The following UNC80 variants were observed in gnomAD, a reference collection of about 807,000 sequenced individuals.
The protein encoded by UNC80 is protein unc-80 homolog.
In UNC80, 164 loss-of-function variants were observed where a neutral mutation model predicts 384.6. The observed-to-expected ratio is 0.43, with a 90% CI of 0.38 to 0.49. The LOEUF is 0.49. Ranked by LOEUF, UNC80 falls within the 20% of genes least tolerant of loss-of-function variation. UNC80 has a pLI of 0.00. For synonymous variants in UNC80, 1,486 were observed against 1,527.8 expected (o/e 0.97, Z 0.64); for missense variants, 3,330 against 4,143.0 (o/e 0.80, Z 5.39).
At chr2:209,875,774 C>T (rs893286281) in intron 23 of UNC80, among the ~76,000 whole-genome samples, 4 of 152,200 alleles carry the variant, frequency 2.6e-5, no homozygotes, top group African/African-American at 9.6e-5. Context: ...TCCCCATTCT[C>T]CATCAGTCAA....
At chr2:209,892,353 CTTG>C (rs2086420613) in intron 26 of UNC80, among the ~76,000 whole-genome samples, 1 of 152,078 alleles carries the variant, frequency 6.6e-6, no homozygotes. Flanking sequence ...TGTACTAGTT[CTTG>C]TTGTCATGGA....
rs1269562268 is a variant in UNC80 at position 209,921,651 on chromosome 2, C to G, written c.5495C>G (p.Pro1832Arg). ...ATCACCCAGGAGGCTTGCTATGAGC[C>G]CACATGCACGCCCAACTCAGAACCG... Reference protein sequence around the residue: ...IPITQEACYEPTCTPNSEPEE... With the variant: ...IPITQEACYERTCTPNSEPEE... Residue 1832 changes from proline (P) to arginine (R), a missense_variant, in exon 34 of 65, where the codon CCC becomes CGC. Physicochemically the swap from Pro to Arg is moderately radical, Grantham distance 103. This residue lies in a region of UNC80 where 1,049 missense variants were observed against 1,488.6 expected (regional missense o/e 0.70). Coordinates refer to ENST00000673920, the MANE Select transcript of UNC80 (RefSeq NM_001371986.1). The G allele has an allele frequency of 1.3e-6, 2 of 1,551,510 alleles. No homozygotes were observed. The highest frequency in any genetic ancestry group is 2.4e-5 in the South Asian group (2 of 84,036).
At chr2:209,981,494 C>T (rs972781894) in intron 59 of UNC80, among the ~76,000 whole-genome samples, 2 of 152,228 alleles carry the variant, frequency 1.3e-5, no homozygotes, top group African/African-American at 4.8e-5. Flanking sequence ...ATGGGAACCA[C>T]TTGAACCTGG....
At chr2:209,877,455 A>G (rs187822218) in intron 23 of UNC80, among the ~76,000 whole-genome samples, 88 of 152,320 alleles carry the variant, frequency 5.8e-4, no homozygotes, top group African/African-American at 2.1e-3. Flanking sequence ...AAAGAAGCCA[A>G]TAAGTACATA....
chr2:209,812,307 G>T (rs758452454), intron 7 of UNC80, among the ~76,000 whole-genome samples: 1 of 150,878 alleles, frequency 6.6e-6, no homozygotes, highest in Non-Finnish European at 1.5e-5. Flanking sequence ...TGATCCGTCC[G>T]CCTCGGCCTC....
intron 27 of UNC80, 64 bp from the exon 28 acceptor site, chr2:209,896,249 C>T: frequency 1.4e-6 from 2 of 1,411,688 alleles, no homozygotes. Context: ...ACAACTGTAC[C>T]ATACCAACAT....
At chr2:209,775,306 C>T (rs1398122696) in intron 2 of UNC80, among the ~76,000 whole-genome samples, 1 of 151,468 alleles carries the variant, frequency 6.6e-6, no homozygotes. Context: ...CTCTCCCTTC[C>T]TTTCTTTCTT....
chr2:209,900,298 A>G (rs906262481), intron 28 of UNC80, among the ~76,000 whole-genome samples: 1 of 152,054 alleles, frequency 6.6e-6, no homozygotes, highest in Admixed American at 6.5e-5. Context: ...TTCTAATAGC[A>G]TGTGCTTACT....
chr2:209,842,547 A>G, intron 21 of UNC80, 101 bp downstream of exon 21: 1 of 876,692 alleles, frequency 1.1e-6, no homozygotes, highest in Non-Finnish European at 1.8e-6. Context: ...TTGGTTTTTC[A>G]TTCATTTCTT....
In UNC80 at chr2:209,777,387, G is replaced by A; in HGVS notation, c.428G>A (p.Gly143Glu). The A allele has an allele frequency of 6.2e-7, 1 of 1,614,212 alleles. No homozygotes were observed. The highest frequency in any genetic ancestry group is 8.5e-7 in the Non-Finnish European group (1 of 1,180,038). The change falls in exon 4 of 65, where the codon GGA becomes GAA. Residue 143 changes from glycine to glutamate, a missense_variant. By Grantham distance (98) the Gly-to-Glu change is moderately conservative (BLOSUM62 -2). Coordinates refer to ENST00000673920, the MANE Select transcript of UNC80 (RefSeq NM_001371986.1). The part of the protein sequence containing the change: ...GGTDRGSSWG[G>E]SSSAFIHQVE... Reference sequence around the variant, plus strand: ...ACAGACCGAGGCTCCAGCTGGGGTGGAAGCAGCAGTGCTTTCATCCACCAG... The same window carrying A: ...ACAGACCGAGGCTCCAGCTGGGGTGAAAGCAGCAGTGCTTTCATCCACCAG...
At chr2:209,864,179 T>C (rs1260397763) in intron 22 of UNC80, among the ~76,000 whole-genome samples, 2 of 152,040 alleles carry the variant, frequency 1.3e-5, no homozygotes, top group African/African-American at 4.8e-5. Flanking sequence ...TGCCTGGAGA[T>C]GTCACTCAAG....
chr2:209,858,483 G>C (rs946746888), intron 22 of UNC80, among the ~76,000 whole-genome samples: 3 of 151,946 alleles, frequency 2.0e-5, no homozygotes, highest in African/African-American at 4.8e-5. Flanking sequence ...CAAGGTGGGC[G>C]GATCACTTGA....
At chr2:209,954,313 T>C in intron 48 of UNC80, 43 bp downstream of exon 48, 1 of 1,374,986 alleles carries the variant, frequency 7.3e-7, no homozygotes, top group Non-Finnish European at 9.5e-7. Context: ...ACATCATATG[T>C]TTCCACTGAA....
In UNC80 at chr2:209,842,296, A is replaced by T. The variant is rs1574690768; in HGVS notation, c.3358-54A>T. The T allele has an allele frequency of 2.2e-6, 3 of 1,354,942 alleles. No individual in the cohort carries two copies. In the East Asian group the frequency reaches 7.5e-5, roughly 34 times the overall value. 83.9% of individuals were successfully genotyped at this position (1,354,942 alleles called of 1,614,324 possible). A position where few individuals can be genotyped will look rare whatever the true frequency, so the allele number is the denominator to read the frequency against. ...CAAGTCAAGAGTTGATCTAACCACA[A>T]AGATTTACCTTTGAATCTTATCTCT... is the stretch of plus-strand genomic sequence containing the variant. On this transcript the variant is annotated intron_variant, in intron 20 of 64. Coordinates refer to ENST00000673920, the MANE Select transcript of UNC80 (RefSeq NM_001371986.1).
chr2:209,778,952 C>T (rs1477041316), intron 4 of UNC80, among the ~76,000 whole-genome samples: 3 of 152,112 alleles, frequency 2.0e-5, no homozygotes, highest in East Asian at 1.9e-4. Flanking sequence ...ATTCACTTTC[C>T]ATTAACTCTG....
chr2:209,941,215 T>C lies in UNC80; in HGVS notation c.6647-6T>C. 1 of 1,495,318 alleles carries C rather than the reference T, an allele frequency of 6.7e-7. No individual in the cohort carries two copies. Among genetic ancestry groups the C allele is most frequent in the Non-Finnish European group, 9.0e-7 (1 of 1,110,602 alleles). 92.6% of individuals were successfully genotyped at this position (1,495,318 alleles called of 1,614,324 possible). On this transcript the variant is annotated splice_region_variant and splice_polypyrimidine_tract_variant and intron_variant, in intron 43 of 64. Coordinates refer to ENST00000673920, the MANE Select transcript of UNC80 (RefSeq NM_001371986.1). Reference sequence around the variant, plus strand: ...ATTCTGTCTCTGCTGTTTCATGTTCTCACAGCTGGAAAGGAACTGTTTGGC... The same window carrying C: ...ATTCTGTCTCTGCTGTTTCATGTTCCCACAGCTGGAAAGGAACTGTTTGGC...
chr2:209,837,962 G>A (rs1359134390), intron 18 of UNC80, among the ~76,000 whole-genome samples: 1 of 151,918 alleles, frequency 6.6e-6, no homozygotes, highest in Non-Finnish European at 1.5e-5. Flanking sequence ...TAGTAGAGAC[G>A]GGGTTTCGCC....
At position 209,976,673 on chromosome 2, in the gene UNC80, C is replaced by T. The variant is rs971394326; in HGVS notation, c.8773-240C>T. ...CATAAGAAAAACATAGGATACTTAACGTATGTTTTTCCTCCAAGACCCTCG... is the reference window on the plus strand; with the variant it reads ...CATAAGAAAAACATAGGATACTTAATGTATGTTTTTCCTCCAAGACCCTCG... On this transcript the variant is annotated intron_variant, in intron 57 of 64. Coordinates refer to ENST00000673920, the MANE Select transcript of UNC80 (RefSeq NM_001371986.1). The surrounding 1 kb of genome is among the most constrained non-coding windows in gnomAD (Gnocchi z 4.3). Among the ~76,000 whole-genome samples the T allele has an allele frequency of 5.9e-5, 9 of 152,050 alleles. No individual in the cohort carries two copies. Among genetic ancestry groups the T allele is most frequent in the African/African-American group, 1.4e-4 (6 of 41,384 alleles).
Position 209,933,833 on chromosome 2 carries a change from C to T in UNC80, c.6006C>T (p.Ile2002=). The change falls in exon 39 of 65, where the codon ATC becomes ATT. Residue 2002 remains isoleucine (I), a synonymous_variant. Transcript: ENST00000673920. ...ATACTGACTTCTAGGTAGGATTAAT[C>T]ATGTACTTTGTGCGGACCCCCTGCG... ...HILFNYLVGL[I]MYFVRTPCEW... 1 of 1,550,730 alleles carries T rather than the reference C, an allele frequency of 6.4e-7. No homozygotes were observed. The highest frequency in any genetic ancestry group is 8.7e-7 in the Non-Finnish European group (1 of 1,146,532).
Sources: gnomAD v4.1 joint callset for allele counts (sites outside exome capture counted in the v4.1 genomes callset) on GRCh38, gnomAD v4.1.1 for gene constraint, gnomAD v4.1.1 regional missense constraint, Gnocchi (gnomAD v3.1) non-coding constraint, MANE v1.5 for transcripts, NCBI Gene and HGNC (gene_info 2026-07-23, HGNC 2026-07-21) for gene names.